TTC21A: variants seen among roughly 807,000 people sequenced by gnomAD.
The protein encoded by TTC21A is tetratricopeptide repeat domain 21A.
In TTC21A, 128 loss-of-function variants were observed where a neutral mutation model predicts 156.4. The observed-to-expected ratio is 0.82, with a 90% confidence interval of 0.71 to 0.95. TTC21A has a LOEUF of 0.95. TTC21A is among the 40% of genes least tolerant of loss of function. The probability of loss-of-function intolerance (pLI) is 0.00; values close to 1 mark genes in which losing one functional copy is unlikely to be tolerated. For missense variants in TTC21A, 1,435 were observed against 1,602.3 expected (o/e 0.90, Z 1.78); for synonymous variants, 587 against 617.1 (o/e 0.95, Z 0.72).
Position 39,129,378 on chromosome 3 carries a change from A to G in TTC21A, c.2135+68A>G. On this transcript the variant is annotated intron_variant, in intron 15 of 28. Transcript: ENST00000683103. Reference sequence around the variant, plus strand: ...GTATCTTAGGGAGTGTTTCCTTCAGATGGTATTTCTTCAACCTGGGTCTCC... The same window carrying G: ...GTATCTTAGGGAGTGTTTCCTTCAGGTGGTATTTCTTCAACCTGGGTCTCC... The G allele has an allele frequency of 5.7e-6, 7 of 1,229,730 alleles. No individual in the cohort carries two copies. In the East Asian group the frequency reaches 1.2e-4, roughly 20 times the overall value. 76.2% of individuals were successfully genotyped at this position (1,229,730 alleles called of 1,614,324 possible).
chr3:39,122,468 G>C (rs536556913), intron 9 of TTC21A, among the ~76,000 whole-genome samples: 1 of 152,348 alleles, frequency 6.6e-6, no homozygotes, highest in South Asian at 2.1e-4. Flanking sequence ...GCAGAGATGG[G>C]TTAGCTAAAG....
chr3:39,136,881 G>T lies in TTC21A; in HGVS notation c.3096-18G>T. The stretch of plus-strand genomic sequence containing the variant: ...CCTCAGTTTCCCTCACTGATTCTTG[G>T]TGTTTTCTCCACCACAGGCACATAG... On this transcript the variant is annotated intron_variant, in intron 23 of 28. Transcript: ENST00000683103. 1 of 1,613,194 alleles carries T rather than the reference G, an allele frequency of 6.2e-7. No homozygotes were observed. Among genetic ancestry groups the T allele is most frequent in the Non-Finnish European group, 8.5e-7 (1 of 1,179,798 alleles).
intron 6 of TTC21A, 24 bp from the exon 7 acceptor site, chr3:39,118,045 A>G (rs779585658): frequency 5.7e-6 from 9 of 1,566,920 alleles, no homozygotes; most frequent in South Asian, 3.3e-5. Flanking sequence ...CTCTCAATTC[A>G]TGTGCCTCCT....
intron 4 of TTC21A, among the ~76,000 whole-genome samples, chr3:39,112,149 G>A (rs1464272125): frequency 1.3e-5 from 2 of 152,192 alleles, no homozygotes; most frequent in East Asian, 1.9e-4. Context: ...AAGGGTCATG[G>A]AGAGCTGTAG....
chr3:39,118,618 G>A (rs771630871), intron 7 of TTC21A: 61 of 164,506 alleles, frequency 3.7e-4, no homozygotes, highest in Non-Finnish European at 7.1e-4. Context: ...AGTTGGAACT[G>A]CTCAGGCATT....
intron 19 of TTC21A, 155 bp from the exon 20 acceptor site, chr3:39,132,897 C>G: frequency 1.4e-6 from 1 of 713,864 alleles, no homozygotes; most frequent in Non-Finnish European, 2.4e-6. Context: ...TGTACTCAGC[C>G]AGTGGCTTTG....
Position 39,125,481 on chromosome 3 carries a change from G to T in TTC21A, c.1341G>T (p.Pro447=). ...CTGAGTACTTTGAAAAGCTGGACCCGTACTTCCTGGTCTGCATTGCTAAGG... is the reference window on the plus strand; with the variant it reads ...CTGAGTACTTTGAAAAGCTGGACCCTTACTTCCTGGTCTGCATTGCTAAGG... ...LGSEYFEKLD[P]YFLVCIAKEY... The change falls in exon 11 of 29, where the codon CCG becomes CCT. Residue 447 remains proline, a synonymous_variant. Transcript: ENST00000683103. 3 of 1,614,060 alleles carry T rather than the reference G, an allele frequency of 1.9e-6. 1 individual carries two copies. In the East Asian group the frequency reaches 6.7e-5, roughly 36 times the overall value.
chr3:39,131,217 T>G, intron 19 of TTC21A, 122 bp downstream of exon 19: 3 of 693,060 alleles, frequency 4.3e-6, no homozygotes, highest in Non-Finnish European at 4.8e-6. Context: ...AGGACCTAGG[T>G]TACACCTCTG....
chr3:39,114,897 G>A (rs1334133603), intron 6 of TTC21A, among the ~76,000 whole-genome samples, 155 bp downstream of exon 6: 1 of 152,170 alleles, frequency 6.6e-6, no homozygotes, highest in Admixed American at 6.5e-5. Context: ...AAGAGAGCAG[G>A]GATGGGTGCA....
At chr3:39,135,068 T>C (rs918564578) in intron 21 of TTC21A, 25 bp from the exon 22 acceptor site, 1 of 1,594,556 alleles carries the variant, frequency 6.3e-7, no homozygotes. Flanking sequence ...TTGGGAAATC[T>C]GGAGCTTTGT....
rs2036760132 is a variant in TTC21A at position 39,110,832 on chromosome 3, T to A, written c.269-19T>A. The A allele has an allele frequency of 7.4e-6, 12 of 1,613,194 alleles. No individual in the cohort carries two copies. The highest frequency in any genetic ancestry group is 1.0e-5 in the Non-Finnish European group (12 of 1,179,902). On this transcript the variant is annotated intron_variant, in intron 3 of 28. Transcript: ENST00000683103. ...TCCACATCCTAACTCTCCCTCTTCC[T>A]TCGCTCTTGGATTTACAGACCGAGA...
At chr3:39,115,586 A>G (rs1268308576) in intron 6 of TTC21A, among the ~76,000 whole-genome samples, 2 of 152,202 alleles carry the variant, frequency 1.3e-5, no homozygotes, top group Non-Finnish European at 2.9e-5. Context: ...GAATCACTTG[A>G]GCCCAGGAAG....
intron 19 of TTC21A, among the ~76,000 whole-genome samples, chr3:39,132,042 T>C (rs2038766804): frequency 6.6e-6 from 1 of 152,144 alleles, no homozygotes; most frequent in Non-Finnish European, 1.5e-5. Flanking sequence ...CCAGATGATA[T>C]AGCTGACTTC....
Position 39,133,126 on chromosome 3 carries a change from A to G in TTC21A, c.2637A>G (p.Gln879=). 1 of 1,614,252 alleles carries G rather than the reference A, an allele frequency of 6.2e-7. No homozygotes were observed. The highest frequency in any genetic ancestry group is 8.5e-7 in the Non-Finnish European group (1 of 1,180,044). The change falls in exon 20 of 29, where the codon CAA becomes CAG. Residue 879 remains glutamine, a synonymous_variant. Coordinates refer to ENST00000683103, the MANE Select transcript of TTC21A (RefSeq NM_001366900.1). The stretch of plus-strand genomic sequence containing the variant: ...CAGAAATGATTCCCTCCCAGAAGCA[A>G]CTGGCAGCCTCTATCTGCATCCAAT... ...EQPEMIPSQK[Q]LAASICIQFA...
At chr3:39,133,612 A>C (rs946526427) in intron 20 of TTC21A, among the ~76,000 whole-genome samples, 4 of 152,224 alleles carry the variant, frequency 2.6e-5, no homozygotes, top group African/African-American at 9.6e-5. Flanking sequence ...TGAGCTTCCA[A>C]GAGGGCCTAG....
rs113754575 is a variant in TTC21A at position 39,121,753 on chromosome 3, C to T, written c.1093+564C>T. On this transcript the variant is annotated intron_variant, in intron 9 of 28. Transcript: ENST00000683103. ...CCCCTATTCCATGGTCTGTGGTGAA[C>T]TCTGAAGTGGCAGTATTTGGTTTGG... Among the ~76,000 whole-genome samples the T allele has an allele frequency of 2.0e-5, 3 of 152,184 alleles. No homozygotes were observed. The East Asian group carries it at 5.8e-4, about 29-fold the overall frequency.
intron 12 of TTC21A, 71 bp downstream of exon 12, chr3:39,126,461 C>T: frequency 7.6e-7 from 1 of 1,310,792 alleles, no homozygotes; most frequent in Non-Finnish European, 1.1e-6. Context: ...CTGCAGGCTC[C>T]TTGCCTAGGA....
intron 22 of TTC21A, 22 bp downstream of exon 22, chr3:39,135,196 G>A (rs766881493): frequency 6.2e-7 from 1 of 1,604,666 alleles, no homozygotes; most frequent in Admixed American, 1.7e-5. Flanking sequence ...CATGGAGACT[G>A]CCTGTACCAG....
At chr3:39,113,210 A>G (rs2036982568) in intron 5 of TTC21A, among the ~76,000 whole-genome samples, 1 of 152,200 alleles carries the variant, frequency 6.6e-6, no homozygotes, top group Admixed American at 6.5e-5. Context: ...CCGCTCCAAG[A>G]CAAATGTTAG....
Sources: allele counts gnomAD v4.1 joint callset (sites outside exome capture counted in the v4.1 genomes callset), GRCh38; gene constraint gnomAD v4.1.1; transcripts MANE v1.5; gene names NCBI Gene and HGNC (gene_info 2026-07-23, HGNC 2026-07-21).